The following SLC24A2 variants were observed in gnomAD, a reference collection of about 807,000 sequenced individuals.
SLC24A2 encodes solute carrier family 24 member 2.
In SLC24A2, 36 loss-of-function variants were observed where a neutral mutation model predicts 62.0. The ratio of observed to expected loss-of-function variants is 0.58; its 90% CI spans 0.44 to 0.77. The LOEUF is 0.77. Ranked by LOEUF, SLC24A2 falls within the 30% of genes least tolerant of loss-of-function variation. The pLI is 0.00. For synonymous variants in SLC24A2, 358 were observed against 294.0 expected (o/e 1.22, Z -2.23); for missense variants, 846 against 817.9 (o/e 1.03, Z -0.42).
At chr9:20,176,399 T>C in the SLC24A2 span, among the ~76,000 whole-genome samples, 3 of 152,104 alleles carry the variant, frequency 2.0e-5, no homozygotes, top group African/African-American at 7.2e-5. Context: ...AACAGCCTTG[T>C]AGATCAGTCA....
intron 8 of SLC24A2, among the ~76,000 whole-genome samples, chr9:19,539,042 G>C (rs200399923): frequency 0.46 from 36,383 of 79,106 alleles, 8,674 homozygotes; most frequent in East Asian, 0.9. Flanking sequence ...TGTGGGATCG[G>C]TGGTGATATC....
chr9:19,714,871 T>G (rs900232135), intron 2 of SLC24A2, among the ~76,000 whole-genome samples: 3 of 152,158 alleles, frequency 2.0e-5, no homozygotes, highest in African/African-American at 7.2e-5. Context: ...ATGTTTGCCC[T>G]ACATATCTGC....
chr9:19,989,786 CT>C, the SLC24A2 span, among the ~76,000 whole-genome samples: 2 of 152,314 alleles, frequency 1.3e-5, no homozygotes, highest in East Asian at 3.9e-4. Context: ...TCAAGATGTT[CT>C]TGTACAGAAA....
the SLC24A2 span, among the ~76,000 whole-genome samples, chr9:19,940,341 G>A: frequency 2.0e-5 from 3 of 152,198 alleles, no homozygotes; most frequent in African/African-American, 7.2e-5. Context: ...TAGTCAGGGG[G>A]TACTTTTATA....
intron 2 of SLC24A2, among the ~76,000 whole-genome samples, chr9:19,718,603 G>T (rs913713080): frequency 1.3e-5 from 2 of 151,930 alleles, no homozygotes; most frequent in Non-Finnish European, 2.9e-5. Context: ...GAGCCACTGC[G>T]CCCAGCCAAT....
the SLC24A2 span, among the ~76,000 whole-genome samples, chr9:19,938,215 T>A: frequency 3.9e-5 from 6 of 152,138 alleles, no homozygotes; most frequent in Non-Finnish European, 8.8e-5. Flanking sequence ...TTGGTGTATA[T>A]TTAGGTTATC....
At chr9:19,930,328 A>G in the SLC24A2 span, among the ~76,000 whole-genome samples, 1 of 152,210 alleles carries the variant, frequency 6.6e-6, no homozygotes, top group East Asian at 1.9e-4. Flanking sequence ...AAATACACAA[A>G]TATTTATCAT....
At chr9:19,662,812 T>C (rs141148962) in intron 2 of SLC24A2, among the ~76,000 whole-genome samples, 1 of 152,234 alleles carries the variant, frequency 6.6e-6, no homozygotes. Context: ...TTATCAAAAT[T>C]TATGTTATAT....
intron 2 of SLC24A2, among the ~76,000 whole-genome samples, chr9:19,726,818 G>C (rs1311985107): frequency 1.3e-5 from 2 of 152,188 alleles, no homozygotes; most frequent in Non-Finnish European, 2.9e-5. Flanking sequence ...TATTCAACGT[G>C]ATATACACAG....
chr9:20,252,764 T>C, the SLC24A2 span, among the ~76,000 whole-genome samples: 1 of 152,216 alleles, frequency 6.6e-6, no homozygotes, highest in Non-Finnish European at 1.5e-5. Context: ...TCTCAACACC[T>C]GATCCTAAAT....
the SLC24A2 span, among the ~76,000 whole-genome samples, chr9:20,267,880 C>T: frequency 1.3e-5 from 2 of 152,080 alleles, no homozygotes; most frequent in South Asian, 2.1e-4. Flanking sequence ...TTTGAGCTTT[C>T]TCATTGGCCC....
the SLC24A2 span, among the ~76,000 whole-genome samples, chr9:19,849,010 T>C: frequency 6.6e-6 from 1 of 152,048 alleles, no homozygotes; most frequent in African/African-American, 2.4e-5. Flanking sequence ...CACCCTAGAG[T>C]GGGAGGCAGA....
At chr9:20,271,156 C>T in the SLC24A2 span, among the ~76,000 whole-genome samples, 7 of 152,208 alleles carry the variant, frequency 4.6e-5, no homozygotes, top group East Asian at 1.3e-3. Flanking sequence ...TCCACTCACC[C>T]ACCTCAGCAC....
the SLC24A2 span, among the ~76,000 whole-genome samples, chr9:19,968,890 T>C: frequency 6.6e-6 from 1 of 152,152 alleles, no homozygotes; most frequent in Admixed American, 6.6e-5. Flanking sequence ...AAAGAAATAC[T>C]TGGGATAGGT....
intron 2 of SLC24A2, among the ~76,000 whole-genome samples, chr9:19,729,141 C>T (rs1821260362): frequency 6.6e-6 from 1 of 152,120 alleles, no homozygotes; most frequent in African/African-American, 2.4e-5. Context: ...AAAAAATGCT[C>T]CACATCACTG....
the SLC24A2 span, among the ~76,000 whole-genome samples, chr9:20,122,498 C>A: frequency 6.6e-6 from 1 of 152,114 alleles, no homozygotes; most frequent in South Asian, 2.1e-4. Flanking sequence ...ACCAGCCTGG[C>A]CAACACGGTG....
the SLC24A2 span, among the ~76,000 whole-genome samples, chr9:20,285,884 A>G: frequency 6.6e-6 from 1 of 152,208 alleles, no homozygotes; most frequent in Admixed American, 6.5e-5. Context: ...GCAAGTGGCC[A>G]TCAGCAAGCC....
chr9:19,576,465 G>A (rs945497144), intron 6 of SLC24A2, among the ~76,000 whole-genome samples: 1 of 152,176 alleles, frequency 6.6e-6, no homozygotes, highest in Non-Finnish European at 1.5e-5. Context: ...GTTCAGGAGT[G>A]ACCAAGTGTG....
intron 2 of SLC24A2, among the ~76,000 whole-genome samples, chr9:19,698,766 T>TTGCA (rs1288286435): frequency 1.5e-4 from 23 of 152,316 alleles, no homozygotes; most frequent in African/African-American, 5.3e-4. Context: ...ACTCTCTGTA[T>TTGCA]TGCAGAAGGA....
Sources: allele counts gnomAD v4.1 joint callset (sites outside exome capture counted in the v4.1 genomes callset), GRCh38; gene constraint gnomAD v4.1.1; transcripts MANE v1.5; gene names NCBI Gene and HGNC (gene_info 2026-07-23, HGNC 2026-07-21).